SPOUT1: variants seen among roughly 807,000 people sequenced by gnomAD.
The protein encoded by SPOUT1 is SPOUT domain containing methyltransferase 1, also known as 28S rRNA (uridine-N(3))-methyltransferase.
In SPOUT1, 40 loss-of-function variants were observed where a neutral mutation model predicts 54.8. The observed-to-expected ratio is 0.73, with a 90% CI of 0.57 to 0.95. SPOUT1 has a LOEUF of 0.95. SPOUT1 is among the 40% of genes least tolerant of loss of function. The probability of loss-of-function intolerance (pLI) is 0.00; values close to 1 mark genes in which losing one functional copy is unlikely to be tolerated. For missense variants in SPOUT1, 437 were observed against 499.5 expected (o/e 0.87, Z 1.19); for synonymous variants, 193 against 200.3 (o/e 0.96, Z 0.31).
intron 1 of SPOUT1, 111 bp downstream of exon 1, chr9:128,829,634 C>T: frequency 2.4e-6 from 2 of 827,702 alleles, no homozygotes; most frequent in Non-Finnish European, 3.8e-6. Flanking sequence ...CTGGGATCAG[C>T]GGGAAGCAGG....
In SPOUT1 at chr9:128,823,911, G is replaced by C; in HGVS notation, c.915-17C>G. 1 of 1,611,488 alleles carries C rather than the reference G, an allele frequency of 6.2e-7. No individual in the cohort carries two copies. The highest frequency in any genetic ancestry group is 8.5e-7 in the Non-Finnish European group (1 of 1,179,102). On this transcript the variant is annotated splice_polypyrimidine_tract_variant and intron_variant, in intron 10 of 11. Transcript: ENST00000361256. Reference sequence around the variant, plus strand: ...AGAGCATGCCTGGCCCATGTAAGAGGGGGTCACCTGAGCGGCCACCGAGGC... The same window carrying C: ...AGAGCATGCCTGGCCCATGTAAGAGCGGGTCACCTGAGCGGCCACCGAGGC...
chr9:128,826,099 C>T lies in SPOUT1; in HGVS notation c.562G>A (p.Glu188Lys), dbSNP rs747712246. The change falls in exon 7 of 12, where the codon GAG becomes AAG. Residue 188 changes from glutamate to lysine, a missense_variant. Transcript: ENST00000361256. This position sits in a 1 kb window ranked among gnomAD's most constrained non-coding sequence, Gnocchi z 5.5. ...TCCACCACGATGCCCTCTCGGAACT[C>T]GGATTCCTCATCCTGACGCATGTGG... Reference protein sequence around the residue: ...PHHMRQDEESEFREGIVVDRP... With the variant: ...PHHMRQDEESKFREGIVVDRP... The T allele has an allele frequency of 9.3e-6, 15 of 1,613,562 alleles. No individual in the cohort carries two copies. The highest frequency in any genetic ancestry group is 1.6e-4 in the Middle Eastern group (1 of 6,078).
In SPOUT1 at chr9:128,822,447, TC is replaced by T. The variant is rs1564434058; in HGVS notation, c.*317del. On this transcript the variant is annotated 3_prime_UTR_variant, in exon 12 of 12. Transcript: ENST00000361256. ...GAGGCAGCAGGTGGGCAAATTGAGC[TC>T]CGCACCTACGTGATGCCCAACGCAC... is the stretch of plus-strand genomic sequence containing the variant. 2 of 1,590,316 alleles carry T rather than the reference TC, an allele frequency of 1.3e-6. No individual in the cohort carries two copies. Among genetic ancestry groups the T allele is most frequent in the South Asian group, 1.1e-5 (1 of 87,914 alleles).
Position 128,822,169 on chromosome 9 carries a change from C to G in SPOUT1, c.*596G>C, listed in dbSNP as rs764522654. On this transcript the variant is annotated 3_prime_UTR_variant, in exon 12 of 12. Coordinates refer to ENST00000361256, the MANE Select transcript of SPOUT1 (RefSeq NM_016390.4). ...TTAACCACCCTGGAGAGAGTTCCAG[C>G]CTCAAGGAGGAGCCAGGCAGGCTAC... The G allele has an allele frequency of 5.4e-4, 440 of 817,926 alleles. 2 individuals are homozygous for G. Among genetic ancestry groups the G allele is most frequent in the Non-Finnish European group, 1.3e-4 (68 of 533,558 alleles). The allele number at this position is 817,926 out of a possible 1,614,324, so 50.7% of individuals were successfully genotyped here. A position where few individuals can be genotyped will look rare whatever the true frequency, so the allele number is the denominator to read the frequency against.
In SPOUT1 at chr9:128,824,812, C is replaced by A; in HGVS notation, c.770G>T (p.Gly257Val). ...VSSQDPRTKA[G>V]LYWGYTVRLA... The stretch of plus-strand genomic sequence containing the variant: ...TCGGACGGTGTAGCCCCAGTAGAGA[C>A]CAGCTTTGGTGCGAGGGTCCTGCGA... The change falls in exon 9 of 12, where the codon GGT (glycine) becomes GTT (valine). Residue 257 changes from glycine (G) to valine (V), a missense_variant. By Grantham distance (109) the Gly-to-Val change is moderately radical. Transcript: ENST00000361256. The A allele has an allele frequency of 6.2e-7, 1 of 1,614,084 alleles. No individual in the cohort carries two copies. Among genetic ancestry groups the A allele is most frequent in the Non-Finnish European group, 8.5e-7 (1 of 1,179,994 alleles).
Position 128,826,504 on chromosome 9 carries a change from A to G in SPOUT1, c.458+36T>C. ...TCCTACCTGGTCTCCACTTTGACAC[A>G]CCCCTCCCTCATGCTTAGGGGAGTG... is the stretch of plus-strand genomic sequence containing the variant. On this transcript the variant is annotated intron_variant, in intron 5 of 11. Coordinates refer to ENST00000361256, the MANE Select transcript of SPOUT1 (RefSeq NM_016390.4). The surrounding 1 kb of genome is among the most constrained non-coding windows in gnomAD (Gnocchi z 5.5). 1 of 1,609,310 alleles carries G rather than the reference A, an allele frequency of 6.2e-7. No homozygotes were observed.
At chr9:128,825,574 C>T (rs1400633292) in intron 7 of SPOUT1, among the ~76,000 whole-genome samples, 5 of 152,180 alleles carry the variant, frequency 3.3e-5, no homozygotes, top group Non-Finnish European at 7.3e-5. Flanking sequence ...TCAAATGACC[C>T]GCCTGCCTCA....
rs767473089 is a variant in SPOUT1, at chr9:128,826,614, T to G, written c.384A>C (p.Glu128Asp). ...GCCCCTTCTTCCCAACTCCTGTGAATTCCCCCTCCACAGTCCTGGAGAGAG... is the reference window on the plus strand; with the variant it reads ...GCCCCTTCTTCCCAACTCCTGTGAAGTCCCCCTCCACAGTCCTGGAGAGAG... ...EGQDAKTVEG[E>D]FTGVGKKGQA... Residue 128 changes from glutamate to aspartate, a missense_variant, in exon 5 of 12, where the codon GAA (glutamate) becomes GAC (aspartate). Glu to Asp is a conservative substitution (Grantham distance 45). Coordinates refer to ENST00000361256, the MANE Select transcript of SPOUT1 (RefSeq NM_016390.4). This position sits in a 1 kb window ranked among gnomAD's most constrained non-coding sequence, Gnocchi z 5.5. The G allele has an allele frequency of 1.9e-6, 3 of 1,589,610 alleles. No homozygotes were observed. Among genetic ancestry groups the G allele is most frequent in the Non-Finnish European group, 2.6e-6 (3 of 1,167,372 alleles).
At chr9:128,827,347 TCA>T in intron 3 of SPOUT1, 156 bp from the exon 4 acceptor site, 2 of 660,516 alleles carry the variant, frequency 3.0e-6, no homozygotes, top group East Asian at 2.8e-5. Context: ...TCTCTGGGCC[TCA>T]GTCTCCCAGC....
intron 2 of SPOUT1, 69 bp downstream of exon 2, chr9:128,829,039 CTT>C: frequency 6.5e-7 from 1 of 1,534,746 alleles, no homozygotes; most frequent in Admixed American, 1.7e-5. Flanking sequence ...AAGTTGGTGT[CTT>C]TCTCCAGGGT....
chr9:128,826,199 AG>A lies in SPOUT1; in HGVS notation c.509-48del. 6.3e-7 allele frequency: 1 copy of A among 1,578,338 alleles called. No homozygotes were observed. Among genetic ancestry groups the A allele is most frequent in the Non-Finnish European group, 8.6e-7 (1 of 1,161,848 alleles). On this transcript the variant is annotated intron_variant, in intron 6 of 11. Coordinates refer to ENST00000361256, the MANE Select transcript of SPOUT1 (RefSeq NM_016390.4). The surrounding 1 kb of genome is among the most constrained non-coding windows in gnomAD (Gnocchi z 5.5). ...GAGTCTGGGAAGTGCTAGGGCACACAGGGTGCAGTGGGGACCCTGGAGCGGA... is the reference window on the plus strand; with the variant it reads ...GAGTCTGGGAAGTGCTAGGGCACACAGGTGCAGTGGGGACCCTGGAGCGGA...
intron 3 of SPOUT1, among the ~76,000 whole-genome samples, chr9:128,827,488 T>G (rs1353748991): frequency 6.6e-6 from 1 of 152,234 alleles, no homozygotes. Flanking sequence ...CAAATGGGGA[T>G]AAAATGAAAG....
chr9:128,822,910 C>T (rs1347373229), intron 11 of SPOUT1, 77 bp from the exon 12 acceptor site: 1 of 1,142,304 alleles, frequency 8.8e-7, no homozygotes, highest in African/African-American at 1.5e-5. Context: ...TCTTCAGTGC[C>T]TGGCTGCCCG....
In SPOUT1 at chr9:128,826,045, A is replaced by G. The variant is rs1830233362; in HGVS notation, c.616T>C (p.Phe206Leu). 1.1e-5 allele frequency: 17 copies of G among 1,614,148 alleles called. No individual in the cohort carries two copies. The highest frequency in any genetic ancestry group is 1.3e-5 in the Non-Finnish European group (15 of 1,180,028). Reference protein sequence around the residue: ...DRPTRPGHGSFVNCGMKKEVK... With the variant: ...DRPTRPGHGSLVNCGMKKEVK... ...ACCTTTTTCATGCCACAGTTGACAA[A>G]GGAGCCGTGGCCTGGCCGGGTGGGC... The change falls in exon 7 of 12, where the codon TTT becomes CTT. Residue 206 changes from phenylalanine to leucine, a missense_variant. Physicochemically the swap from Phe to Leu is conservative, Grantham distance 22 (BLOSUM62 0). Coordinates refer to ENST00000361256, the MANE Select transcript of SPOUT1 (RefSeq NM_016390.4). The surrounding 1 kb of genome is among the most constrained non-coding windows in gnomAD (Gnocchi z 5.5).
In SPOUT1 at chr9:128,820,998, G is replaced by C. The variant is rs1474323725; in HGVS notation, c.*1767C>G. 2 of 683,108 alleles carry C rather than the reference G, an allele frequency of 2.9e-6. No individual in the cohort carries two copies. The highest frequency in any genetic ancestry group is 4.0e-4 in the Middle Eastern group (1 of 2,488). 42.3% of individuals were successfully genotyped at this position (683,108 alleles called of 1,614,324 possible). The stretch of plus-strand genomic sequence containing the variant: ...GCAAGCCTGTCAGCTTCCCTGCCTC[G>C]AGTCCCCTCATTCCACCTCCACAGC... On this transcript the variant is annotated 3_prime_UTR_variant, in exon 12 of 12. Coordinates refer to ENST00000361256, the MANE Select transcript of SPOUT1 (RefSeq NM_016390.4).
intron 11 of SPOUT1, 74 bp from the exon 12 acceptor site, chr9:128,822,907 T>G: frequency 8.7e-7 from 1 of 1,144,550 alleles, no homozygotes. Context: ...CTGTCTTCAG[T>G]GCCTGGCTGC....
intron 2 of SPOUT1, 109 bp from the exon 3 acceptor site, chr9:128,828,969 T>TC: frequency 6.6e-7 from 1 of 1,513,168 alleles, no homozygotes; most frequent in East Asian, 2.3e-5. Context: ...CAAGGGAGCC[T>TC]CCCCAGGGCT....
chr9:128,820,876 A>G lies in SPOUT1; in HGVS notation c.*1889T>C. ...AAGGTGGAAACCAGGGGGGCGGCAG[A>G]ACCTCCCACTCACCTGAGGCCCCTA... On this transcript the variant is annotated 3_prime_UTR_variant, in exon 12 of 12. Transcript: ENST00000361256. 1 of 1,577,332 alleles carries G rather than the reference A, an allele frequency of 6.3e-7. No individual in the cohort carries two copies. The highest frequency in any genetic ancestry group is 8.6e-7 in the Non-Finnish European group (1 of 1,158,194).
At position 128,823,848 on chromosome 9, in the gene SPOUT1, C is replaced by T. The variant is rs763795522; in HGVS notation, c.961G>A (p.Ala321Thr). The change falls in exon 11 of 12, where the codon GCG becomes ACG. Residue 321 changes from alanine (A) to threonine (T), a missense_variant. Transcript: ENST00000361256. ...FGGLQGLEAGADADPNLEVAE... is the reference protein window; with the variant it reads ...FGGLQGLEAGTDADPNLEVAE... ...ACCTCCAGGTTGGGGTCAGCATCCG[C>T]TCCAGCTTCCAGACCCTGGAGGCCC... is the stretch of plus-strand genomic sequence containing the variant. 1.2e-6 allele frequency: 2 copies of T among 1,613,254 alleles called. No individual in the cohort carries two copies. Among genetic ancestry groups the T allele is most frequent in the Non-Finnish European group, 1.7e-6 (2 of 1,179,888 alleles).
Sources: gnomAD v4.1 joint callset for allele counts (sites outside exome capture counted in the v4.1 genomes callset) on GRCh38, gnomAD v4.1.1 for gene constraint, Gnocchi (gnomAD v3.1) non-coding constraint, MANE v1.5 for transcripts, NCBI Gene and HGNC (gene_info 2026-07-23, HGNC 2026-07-21) for gene names.